UTY: variants seen among roughly 807,000 people sequenced by gnomAD.
The protein encoded by UTY is ubiquitously transcribed tetratricopeptide repeat containing, Y-linked.
UTY carries 12 observed loss-of-function variants against 32.5 expected under a neutral mutation model. That is an observed-to-expected ratio of 0.37 (90% CI 0.24 to 0.60). The LOEUF (loss-of-function observed/expected upper bound fraction) is 0.60. UTY is among the 20% of genes least tolerant of loss of function. UTY has a pLI of 0.69. For missense variants in UTY, 303 were observed against 299.2 expected, an observed-to-expected ratio of 1.01 and a Z score of -0.09; for synonymous variants, 131 against 103.4, an observed-to-expected ratio of 1.27 and a Z score of -1.62.
At chrY:13,293,577 A>T (rs909006032) in intron 27 of UTY, among the ~76,000 whole-genome samples, 13 of 33,496 alleles carry the variant, frequency 3.9e-4, no homozygotes, top group African/African-American at 1.5e-3. Flanking sequence ...TTGGCCTCCC[A>T]AAGTGCTGGG....
At chrY:13,355,689 C>T in intron 16 of UTY, 1 of 349,629 alleles carries the variant, frequency 2.9e-6, no homozygotes, top group East Asian at 1.2e-4. Flanking sequence ...ATTCAGTTTA[C>T]ATTCTTGTCA....
At chrY:13,427,290 C>T (rs771657546) in intron 4 of UTY, among the ~76,000 whole-genome samples, 10 of 33,760 alleles carry the variant, frequency 3.0e-4, no homozygotes, top group Non-Finnish European at 5.9e-4. Context: ...AAAACACAAA[C>T]GATCTACAAA....
intron 3 of UTY, among the ~76,000 whole-genome samples, chrY:13,457,429 C>T: frequency 3.0e-5 from 1 of 33,179 alleles, no homozygotes; most frequent in Non-Finnish European, 7.5e-5. Flanking sequence ...AAAGTTATTT[C>T]ATTTACATGA....
chrY:13,478,110 G>A, intron 2 of UTY, among the ~76,000 whole-genome samples: 1 of 33,674 alleles, frequency 3.0e-5, no homozygotes, highest in Non-Finnish European at 7.3e-5. Flanking sequence ...TAAGTAAAAT[G>A]TTCATCCTGA....
intron 27 of UTY, among the ~76,000 whole-genome samples, chrY:13,281,963 C>CAGCATATGCTGCGGA (rs2057044887): frequency 3.0e-5 from 1 of 33,245 alleles, no homozygotes; most frequent in South Asian, 6.7e-4. Flanking sequence ...GCGGAATACA[C>CAGCATATGCTGCGGA]ATTCTTCTCC....
At chrY:13,326,074 C>T in intron 19 of UTY, 147 bp downstream of exon 19, 1 of 190,343 alleles carries the variant, frequency 5.3e-6, no homozygotes, top group Non-Finnish European at 8.4e-6. Context: ...GAAATATAAA[C>T]ATGTTCTTCT....
chrY:13,356,188 C>T, intron 15 of UTY, among the ~76,000 whole-genome samples, 170 bp from the exon 16 acceptor site: 1 of 32,405 alleles, frequency 3.1e-5, no homozygotes, highest in Non-Finnish European at 7.6e-5. Context: ...CAGAGTCTTG[C>T]TCTGTCGCCC....
chrY:13,286,680 A>AT (rs2057376923), intron 27 of UTY: 1 of 372,539 alleles, frequency 2.7e-6, no homozygotes, highest in African/African-American at 6.6e-5. Context: ...CCACATTACC[A>AT]TTTTTTCACC....
At chrY:13,428,190 A>C in intron 4 of UTY, among the ~76,000 whole-genome samples, 1 of 33,431 alleles carries the variant, frequency 3.0e-5, no homozygotes, top group Non-Finnish European at 7.5e-5. Flanking sequence ...CGATGTGCAG[A>C]AGCTTTGGAT....
chrY:13,404,464 GGCAATCT>G (rs2069559367), intron 6 of UTY, among the ~76,000 whole-genome samples: 1 of 33,338 alleles, frequency 3.0e-5, no homozygotes, highest in Admixed American at 2.7e-4. Flanking sequence ...GATGAAAAGT[GGCAATCT>G]GAGTTCCATT....
downstream of UTY, among the ~76,000 whole-genome samples, chrY:13,246,571 C>G (rs745671488): frequency 1.2e-4 from 4 of 32,216 alleles, no homozygotes; most frequent in Non-Finnish European, 2.3e-4. Flanking sequence ...TTTGGAAAAG[C>G]AGCCAAGGTT....
intron 27 of UTY, 112 bp downstream of exon 27, chrY:13,297,595 G>C: frequency 2.7e-6 from 1 of 365,969 alleles, no homozygotes; most frequent in South Asian, 3.4e-5. Flanking sequence ...ATTTTGCCAA[G>C]ACTTCTGGAC....
chrY:13,237,825 C>T (rs975657284), intron 28 of UTY, among the ~76,000 whole-genome samples: 1 of 32,825 alleles, frequency 3.0e-5, no homozygotes. Context: ...AAGGTATGTC[C>T]GAGATGCAAA....
chrY:13,373,508 C>T (rs2065129010), intron 8 of UTY, among the ~76,000 whole-genome samples: 1 of 33,138 alleles, frequency 3.0e-5, no homozygotes, highest in Admixed American at 2.7e-4. Flanking sequence ...TAAAATATGC[C>T]TTAGGAGGTT....
At chrY:13,325,476 A>G in intron 19 of UTY, among the ~76,000 whole-genome samples, 1 of 33,735 alleles carries the variant, frequency 3.0e-5, no homozygotes, top group East Asian at 7.6e-4. Flanking sequence ...GGAAAAATAC[A>G]TAAAAATTAT....
chrY:13,360,019 T>C, intron 11 of UTY, 33 bp from the exon 12 acceptor site: 1 of 362,533 alleles, frequency 2.8e-6, no homozygotes, highest in African/African-American at 6.8e-5. Context: ...CAAAAACTAC[T>C]GGTTACTTTC....
intron 8 of UTY, among the ~76,000 whole-genome samples, chrY:13,391,980 T>C (rs2067604556): frequency 3.1e-5 from 1 of 32,714 alleles, no homozygotes; most frequent in Non-Finnish European, 7.5e-5. Flanking sequence ...TGAGATCAGC[T>C]TTAAAAACAC....
chrY:13,349,859 T>C (rs2062210949), intron 17 of UTY, among the ~76,000 whole-genome samples: 1 of 34,018 alleles, frequency 2.9e-5, no homozygotes, highest in African/African-American at 1.2e-4. Flanking sequence ...TGTGAACATA[T>C]GCACTAAAGG....
intron 5 of UTY, 55 bp downstream of exon 5, chrY:13,414,680 G>A: frequency 3.3e-6 from 1 of 305,533 alleles, no homozygotes; most frequent in African/African-American, 7.3e-5. Context: ...GAAATGTATG[G>A]TTACAGACAT....
Sources: allele counts gnomAD v4.1 joint callset (sites outside exome capture counted in the v4.1 genomes callset), GRCh38; gene constraint gnomAD v4.1.1; transcripts MANE v1.5; gene names NCBI Gene and HGNC (gene_info 2026-07-23, HGNC 2026-07-21).